RHOBTB2: variants seen among roughly 807,000 people sequenced by gnomAD.
RHOBTB2 encodes the protein rho-related BTB domain-containing protein 2.
Under a neutral mutation model 66.5 loss-of-function variants are expected in RHOBTB2, and 39 were observed. The ratio of observed to expected loss-of-function variants is 0.59; its 90% CI spans 0.45 to 0.77. The LOEUF (loss-of-function observed/expected upper bound fraction) is 0.77, where lower values mean the gene tolerates loss of function less well. RHOBTB2 is among the 30% of genes least tolerant of loss of function. RHOBTB2 has a pLI of 0.00. For missense variants in RHOBTB2, 755 were observed against 999.1 expected, an observed-to-expected ratio of 0.76 and a Z score of 3.29; for synonymous variants, 390 against 395.0, an observed-to-expected ratio of 0.99 and a Z score of 0.15.
rs547759451 is a variant in RHOBTB2, at chr8:23,002,757, A to G, written c.-10-1668A>G. Among the ~76,000 whole-genome samples, 160 of 152,284 alleles carry G rather than the reference A, an allele frequency of 1.1e-3. 1 individual carries two copies. The highest frequency in any genetic ancestry group is 3.5e-3 in the African/African-American group (147 of 41,546). ...GGTTAGGAGAGAGAAGGGGTGGTACAGTTGCCCTGGAGACCATGAGGGCAC... is the reference window on the plus strand; with the variant it reads ...GGTTAGGAGAGAGAAGGGGTGGTACGGTTGCCCTGGAGACCATGAGGGCAC... On this transcript the variant is annotated intron_variant, in intron 1 of 9. Coordinates refer to ENST00000251822, the MANE Select transcript of RHOBTB2 (RefSeq NM_015178.3).
At position 23,018,041 on chromosome 8, in the gene RHOBTB2, C is replaced by A. The variant is rs1811347006; in HGVS notation, c.*572C>A. 1 of 157,362 alleles carries A rather than the reference C, an allele frequency of 6.4e-6. No individual in the cohort carries two copies. The highest frequency in any genetic ancestry group is 6.0e-5 in the Admixed American group (1 of 16,542). The allele number at this position is 157,362 out of a possible 1,614,324, so 9.7% of individuals were successfully genotyped here. On this transcript the variant is annotated 3_prime_UTR_variant, in exon 10 of 10. Transcript: ENST00000251822. ...ATCCTGGGGTGCAGCTGCAAAAGGC[C>A]AGACGTGGAAAGGCCTGTATCCTGC... is the stretch of plus-strand genomic sequence containing the variant.
intron 1 of RHOBTB2, among the ~76,000 whole-genome samples, chr8:23,001,286 T>G (rs1187929636): frequency 6.6e-6 from 1 of 150,410 alleles, no homozygotes; most frequent in African/African-American, 2.5e-5. Flanking sequence ...TGAGGGAGAG[T>G]CTGGAGTCAG....
chr8:22,990,048 T>C (rs1810386989), intron 1 of RHOBTB2, among the ~76,000 whole-genome samples: 1 of 152,204 alleles, frequency 6.6e-6, no homozygotes, highest in African/African-American at 2.4e-5. Context: ...GTAATAAACA[T>C]TCAGTAAGTT....
In RHOBTB2 at chr8:22,999,609, G is replaced by A. The variant is rs1810697668; in HGVS notation, c.-507G>A. ...TTTCTCCTCCTTTTTTTACCCTCCC[G>A]TTTTTTTCTTTTCTTTTTTTTTTCC... On this transcript the variant is annotated 5_prime_UTR_variant, in exon 1 of 10. Coordinates refer to ENST00000251822, the MANE Select transcript of RHOBTB2 (RefSeq NM_015178.3). 8.1e-7 allele frequency: 1 copy of A among 1,233,946 alleles called. No individual in the cohort carries two copies. The highest frequency in any genetic ancestry group is 1.0e-6 in the Non-Finnish European group (1 of 967,772). 76.4% of individuals were successfully genotyped at this position (1,233,946 alleles called of 1,614,324 possible).
chr8:22,958,964 T>C, the RHOBTB2 span, among the ~76,000 whole-genome samples: 5 of 152,184 alleles, frequency 3.3e-5, no homozygotes, highest in East Asian at 9.7e-4. Flanking sequence ...ATGGTAAACA[T>C]GTGTGTGGCC....
the RHOBTB2 span, among the ~76,000 whole-genome samples, chr8:22,964,479 T>C: frequency 2.0e-5 from 3 of 152,196 alleles, no homozygotes; most frequent in Non-Finnish European, 2.9e-5. Flanking sequence ...TATTGTGCTA[T>C]TGGGAAATCA....
rs1207763398 is a variant in RHOBTB2, at chr8:23,017,443, C to T, written c.2158C>T (p.Pro720Ser). 6.2e-7 allele frequency: 1 copy of T among 1,600,278 alleles called. No individual in the cohort carries two copies. The highest frequency in any genetic ancestry group is 1.1e-5 in the South Asian group (1 of 89,266). ...PSSSAASSSS[P>S]SSSSAVV is the part of the protein sequence containing the mutation. ...TTCCTCGGCAGCCTCCTCCTCATCC[C>T]CATCTTCCTCCTCGGCTGTGGTCTG... is the stretch of plus-strand genomic sequence containing the variant. The change falls in exon 10 of 10, where the codon CCA (proline) becomes TCA (serine). Residue 720 changes from proline (P) to serine (S), a missense_variant. This residue lies in a region of RHOBTB2 where 353 missense variants were observed against 458.2 expected (regional missense o/e 0.77). Coordinates refer to ENST00000251822, the MANE Select transcript of RHOBTB2 (RefSeq NM_015178.3). The surrounding 1 kb of genome is among the most constrained non-coding windows in gnomAD (Gnocchi z 5.3).
intron 1 of RHOBTB2, among the ~76,000 whole-genome samples, chr8:23,001,201 G>C (rs1341825321): frequency 6.6e-6 from 1 of 152,122 alleles, no homozygotes; most frequent in Non-Finnish European, 1.5e-5. Context: ...GTGAGTTGGG[G>C]GTTGTGATGC....
the RHOBTB2 span, among the ~76,000 whole-genome samples, chr8:22,966,694 C>A: frequency 6.6e-6 from 1 of 151,970 alleles, no homozygotes; most frequent in Non-Finnish European, 1.5e-5. Flanking sequence ...TAAGGAAATG[C>A]AAATGAAAAT....
the RHOBTB2 span, among the ~76,000 whole-genome samples, chr8:22,962,682 A>C: frequency 6.6e-6 from 1 of 152,226 alleles, no homozygotes; most frequent in Non-Finnish European, 1.5e-5. Flanking sequence ...TCATATAATA[A>C]AAGGATAGTT....
chr8:22,963,313 C>A, the RHOBTB2 span, among the ~76,000 whole-genome samples: 1 of 152,158 alleles, frequency 6.6e-6, no homozygotes. Context: ...CTCTCATCAG[C>A]AGAAGTGGGC....
At chr8:22,975,517 GA>G in the RHOBTB2 span, among the ~76,000 whole-genome samples, 1 of 152,170 alleles carries the variant, frequency 6.6e-6, no homozygotes, top group Non-Finnish European at 1.5e-5. Flanking sequence ...CTGAGGCTGA[GA>G]AGGCCAGGGG....
the RHOBTB2 span, among the ~76,000 whole-genome samples, chr8:22,952,229 A>G: frequency 6.6e-6 from 1 of 152,068 alleles, no homozygotes; most frequent in Non-Finnish European, 1.5e-5. Flanking sequence ...TCTTGAAACA[A>G]TGGCCATTGT....
chr8:22,968,256 A>G, the RHOBTB2 span, among the ~76,000 whole-genome samples: 1 of 152,320 alleles, frequency 6.6e-6, no homozygotes, highest in African/African-American at 2.4e-5. Context: ...ATCTTAGTTA[A>G]GCTAAAATGG....
At chr8:22,995,809 T>G (rs1228088082), upstream of RHOBTB2, 16 of 1,545,716 alleles carry the variant, frequency 1.0e-5, no homozygotes, top group African/African-American at 1.4e-5. Context: ...GGGGCGGAGC[T>G]CATGTCACAA....
chr8:22,955,891 C>T, the RHOBTB2 span, among the ~76,000 whole-genome samples: 5 of 152,114 alleles, frequency 3.3e-5, no homozygotes, highest in Non-Finnish European at 5.9e-5. Flanking sequence ...CTTTAGTGCC[C>T]ACTCTGCGCT....
At chr8:22,986,362 G>A (rs935350640), upstream of RHOBTB2, among the ~76,000 whole-genome samples, 5 of 145,368 alleles carry the variant, frequency 3.4e-5, no homozygotes, top group East Asian at 2.0e-4. Flanking sequence ...AACTTCCTGC[G>A]CTCAGATGAT....
rs1811323398 is a variant in RHOBTB2, at chr8:23,017,382, G to A, written c.2097G>A (p.Arg699=). Residue 699 remains arginine, a synonymous_variant, in exon 10 of 10, where the codon CGG becomes CGA. Coordinates refer to ENST00000251822, the MANE Select transcript of RHOBTB2 (RefSeq NM_015178.3). The surrounding 1 kb of genome is among the most constrained non-coding windows in gnomAD (Gnocchi z 5.3). ...DYLHLKRQPK[R]RWLFWNSPSS... is the part of the protein sequence containing the mutation. The stretch of plus-strand genomic sequence containing the variant: ...TCCACCTCAAGCGGCAGCCCAAACG[G>A]CGTTGGCTCTTCTGGAACAGTCCAT... 6.2e-7 allele frequency: 1 copy of A among 1,614,042 alleles called. No homozygotes were observed. The highest frequency in any genetic ancestry group is 1.3e-5 in the African/African-American group (1 of 74,912).
chr8:23,017,689 A>C lies in RHOBTB2; in HGVS notation c.*220A>C. 5 of 648,382 alleles carry C rather than the reference A, an allele frequency of 7.7e-6. No homozygotes were observed. Among genetic ancestry groups the C allele is most frequent in the South Asian group, 2.0e-5 (1 of 49,104 alleles). 40.2% of individuals were successfully genotyped at this position (648,382 alleles called of 1,614,324 possible). ...CACCTGCAGAGGTCCCCAGACCCAA[A>C]GCAGGACGGGAGACAACTGCTTGGA... is the stretch of plus-strand genomic sequence containing the variant. On this transcript the variant is annotated 3_prime_UTR_variant, in exon 10 of 10. Coordinates refer to ENST00000251822, the MANE Select transcript of RHOBTB2 (RefSeq NM_015178.3). The surrounding 1 kb of genome is among the most constrained non-coding windows in gnomAD (Gnocchi z 5.3).
Sources: allele counts gnomAD v4.1 joint callset (sites outside exome capture counted in the v4.1 genomes callset), GRCh38; gene constraint gnomAD v4.1.1; regional missense constraint gnomAD v4.1.1; non-coding constraint Gnocchi (gnomAD v3.1); transcripts MANE v1.5; gene names NCBI Gene and HGNC (gene_info 2026-07-23, HGNC 2026-07-21).